The following MAGI2 variants were observed in gnomAD, a reference collection of about 807,000 sequenced individuals.
The protein encoded by MAGI2 is membrane-associated guanylate kinase, WW and PDZ domain-containing protein 2.
A neutral mutation model predicts 133.3 loss-of-function variants in MAGI2; 35 were observed. The observed-to-expected ratio is 0.26, with a 90% CI of 0.20 to 0.35. The LOEUF (loss-of-function observed/expected upper bound fraction) is 0.35, where lower values mean the gene tolerates loss of function less well. Among genes scored for constraint, MAGI2 ranks in the 10% least tolerant of loss-of-function variants. The pLI is 1.00. For synonymous variants in MAGI2, 729 were observed against 710.6 expected (o/e 1.03, Z -0.41); for missense variants, 1,636 against 1,863.4 (o/e 0.88, Z 2.25).
intron 3 of MAGI2, among the ~76,000 whole-genome samples, chr7:78,550,496 T>C (rs1269294684): frequency 6.6e-6 from 1 of 152,162 alleles, no homozygotes; most frequent in Non-Finnish European, 1.5e-5. Flanking sequence ...ACAATCCATA[T>C]ATTCCTCTAG....
chr7:79,391,960 T>G (rs900961006), intron 1 of MAGI2, among the ~76,000 whole-genome samples: 1 of 152,086 alleles, frequency 6.6e-6, no homozygotes, highest in Non-Finnish European at 1.5e-5. Context: ...ATCTAGGTTT[T>G]AAGCCCTGCA....
Position 79,429,625 on chromosome 7 carries a change from T to TA in MAGI2, c.301+23394dup, listed in dbSNP as rs1463767933. Among the ~76,000 whole-genome samples, 3 of 152,222 alleles carry TA rather than the reference T, an allele frequency of 2.0e-5. No individual in the cohort carries two copies. The East Asian group carries it at 5.8e-4, about 29-fold the overall frequency. ...CAGCCAATTCTATTATATTTCTTAA[T>TA]AAAATGTATAAAAAGTTGTTTTAAA... is the stretch of plus-strand genomic sequence containing the variant. On this transcript the variant is annotated intron_variant, in intron 1 of 21. Transcript: ENST00000354212.
At chr7:78,259,790 A>C (rs1793342353) in intron 9 of MAGI2, among the ~76,000 whole-genome samples, 1 of 152,188 alleles carries the variant, frequency 6.6e-6, no homozygotes, top group Non-Finnish European at 1.5e-5. Flanking sequence ...GAAAGAACTA[A>C]GGGTTATGTT....
intron 2 of MAGI2, among the ~76,000 whole-genome samples, chr7:78,709,269 G>A (rs1563388058): frequency 6.6e-6 from 1 of 150,712 alleles, no homozygotes; most frequent in Non-Finnish European, 1.5e-5. Context: ...GTCCCCACCT[G>A]CAACATACAC....
intron 2 of MAGI2, among the ~76,000 whole-genome samples, chr7:78,763,367 A>G (rs1824705889): frequency 6.6e-6 from 1 of 152,186 alleles, no homozygotes; most frequent in Non-Finnish European, 1.5e-5. Flanking sequence ...ACAGATTTTC[A>G]TATACTACTA....
intron 6 of MAGI2, among the ~76,000 whole-genome samples, chr7:78,443,879 CCT>C (rs2151465228): frequency 6.6e-6 from 1 of 152,168 alleles, no homozygotes; most frequent in African/African-American, 2.4e-5. Flanking sequence ...ACCTGTCATT[CCT>C]CTTTCTTTTC....
At chr7:78,620,521 T>C (rs1208123388) in intron 3 of MAGI2, among the ~76,000 whole-genome samples, 1 of 151,998 alleles carries the variant, frequency 6.6e-6, no homozygotes, top group Non-Finnish European at 1.5e-5. Context: ...CACTCCTTCA[T>C]GTAGTTATGA....
chr7:79,320,324 G>A (rs1554833), intron 1 of MAGI2, among the ~76,000 whole-genome samples: 103,233 of 151,914 alleles, frequency 0.68, 35,441 homozygotes, highest in Non-Finnish European at 0.71. Context: ...AATCAAAGTC[G>A]CAAAGAAAGC....
At chr7:78,596,193 A>AAGGAATGAAGGGAGGGG (rs1804589023) in intron 3 of MAGI2, among the ~76,000 whole-genome samples, 1 of 81,060 alleles carries the variant, frequency 1.2e-5, no homozygotes, top group African/African-American at 4.8e-5. Context: ...GGAGGGAGGG[A>AAGGAATGAAGGGAGGGG]GGGAGGGAAG....
At chr7:79,096,784 C>A (rs899102510) in intron 1 of MAGI2, among the ~76,000 whole-genome samples, 14 of 152,250 alleles carry the variant, frequency 9.2e-5, no homozygotes, top group African/African-American at 3.1e-4. Flanking sequence ...TTCTGCTACC[C>A]CTTCCTCCAG....
intron 3 of MAGI2, chr7:78,615,996 A>AT (rs1807046151): frequency 6.6e-6 from 1 of 152,202 alleles, no homozygotes; most frequent in African/African-American, 2.4e-5. Context: ...ATTGATAAAA[A>AT]TATATTTTCA....
chr7:79,286,686 T>TA (rs1379978046), intron 1 of MAGI2, among the ~76,000 whole-genome samples: 2 of 152,006 alleles, frequency 1.3e-5, no homozygotes, highest in Non-Finnish European at 2.9e-5. Flanking sequence ...TGTTGAGGGC[T>TA]AAAAAACAAC....
intron 2 of MAGI2, among the ~76,000 whole-genome samples, chr7:78,920,844 A>T (rs1341629532): frequency 6.6e-6 from 1 of 152,216 alleles, no homozygotes; most frequent in Non-Finnish European, 1.5e-5. Flanking sequence ...ACTAAACATT[A>T]AAGTACACAA....
At chr7:78,197,343 A>G (rs2150746666) in intron 11 of MAGI2, among the ~76,000 whole-genome samples, 1 of 152,346 alleles carries the variant, frequency 6.6e-6, no homozygotes, top group African/African-American at 2.4e-5. Context: ...TAAAAAGTAA[A>G]TAAATTAGAA....
intron 2 of MAGI2, among the ~76,000 whole-genome samples, chr7:78,627,656 T>C (rs1025944934): frequency 6.6e-6 from 1 of 152,182 alleles, no homozygotes; most frequent in African/African-American, 2.4e-5. Flanking sequence ...AAAGTAGCGA[T>C]CTTAGGAAAA....
intron 1 of MAGI2, among the ~76,000 whole-genome samples, chr7:79,369,672 T>A (rs201240907): frequency 1.3e-5 from 2 of 152,266 alleles, no homozygotes; most frequent in East Asian, 3.9e-4. Context: ...AGGATGAGAT[T>A]GTTGTGTGGG....
intron 6 of MAGI2, among the ~76,000 whole-genome samples, chr7:78,483,659 A>G (rs1172294351): frequency 1.3e-5 from 2 of 151,834 alleles, no homozygotes; most frequent in South Asian, 2.1e-4. Flanking sequence ...TTATATTCCT[A>G]AAATGTTGGT....
intron 2 of MAGI2, among the ~76,000 whole-genome samples, chr7:78,686,098 A>G (rs933206540): frequency 2.8e-5 from 4 of 144,900 alleles, no homozygotes; most frequent in Middle Eastern, 7.0e-3. Flanking sequence ...GAAGGTCATT[A>G]TACATTGAAG....
At position 78,477,282 on chromosome 7, in the gene MAGI2, T is replaced by C. The variant is rs187768302; in HGVS notation, c.1045+12479A>G. Among the ~76,000 whole-genome samples the C allele has an allele frequency of 7.1e-4, 108 of 152,088 alleles. No individual in the cohort carries two copies. In the Middle Eastern group the frequency reaches 0.01, roughly 14 times the overall value. ...AACATTATGTGGACTACAGTGAGCA[T>C]TTATTTTTAAAAATTGTGAAGGCAT... On this transcript the variant is annotated intron_variant, in intron 6 of 21. Coordinates refer to ENST00000354212, the MANE Select transcript of MAGI2 (RefSeq NM_012301.4).
Sources: gnomAD v4.1 joint callset for allele counts (sites outside exome capture counted in the v4.1 genomes callset) on GRCh38, gnomAD v4.1.1 for gene constraint, MANE v1.5 for transcripts, NCBI Gene and HGNC (gene_info 2026-07-23, HGNC 2026-07-21) for gene names.